PTK2: variants seen among roughly 807,000 people sequenced by gnomAD.
The protein encoded by PTK2 is focal adhesion kinase 1.
In PTK2, 45 loss-of-function variants were observed where a neutral mutation model predicts 150.1. The observed-to-expected ratio is 0.30, with a 90% CI of 0.24 to 0.38. The LOEUF (loss-of-function observed/expected upper bound fraction) is 0.38, where lower values mean the gene tolerates loss of function less well. PTK2 is among the 10% of genes least tolerant of loss of function. The pLI is 1.00. For synonymous variants in PTK2, 432 were observed against 449.2 expected, an observed-to-expected ratio of 0.96 and a Z score of 0.48; for missense variants, 919 against 1,307.3, an observed-to-expected ratio of 0.70 and a Z score of 4.58.
At chr8:140,809,327 A>C (rs995232749) in intron 10 of PTK2, among the ~76,000 whole-genome samples, 1 of 152,234 alleles carries the variant, frequency 6.6e-6, no homozygotes, top group African/African-American at 2.4e-5. Flanking sequence ...ACAGACCTTT[A>C]CAAGTCTGAA....
At chr8:140,697,479 T>C (rs1217950610) in intron 26 of PTK2, among the ~76,000 whole-genome samples, 2 of 151,242 alleles carry the variant, frequency 1.3e-5, no homozygotes, top group Non-Finnish European at 2.9e-5. Flanking sequence ...CTTGCTCTGT[T>C]GCCCAGGCTG....
At chr8:140,997,244 G>C (rs750978010) in intron 1 of PTK2, among the ~76,000 whole-genome samples, 19 of 152,242 alleles carry the variant, frequency 1.2e-4, no homozygotes, top group Non-Finnish European at 1.8e-4. Context: ...CCTTCTTAGG[G>C]ATGAGCAAAG....
chr8:140,700,487 G>GTTT (rs199884182), intron 26 of PTK2, among the ~76,000 whole-genome samples: 8 of 140,334 alleles, frequency 5.7e-5, no homozygotes, highest in Admixed American at 2.2e-4. Context: ...ATTTCAAGTA[G>GTTT]TTTTTTTTTT....
intron 2 of PTK2, among the ~76,000 whole-genome samples, chr8:140,922,985 G>T (rs1162166532): frequency 6.6e-6 from 1 of 152,200 alleles, no homozygotes; most frequent in African/African-American, 2.4e-5. Context: ...TGACAGAGAG[G>T]ATGAGAGGAC....
intron 1 of PTK2, among the ~76,000 whole-genome samples, chr8:140,966,625 T>C (rs1429772910): frequency 2.0e-5 from 3 of 152,212 alleles, no homozygotes; most frequent in African/African-American, 7.2e-5. Context: ...AAAGTAGCTA[T>C]TTCTCAAATT....
At chr8:140,883,353 G>T (rs2100150334) in intron 3 of PTK2, among the ~76,000 whole-genome samples, 7 of 152,174 alleles carry the variant, frequency 4.6e-5, no homozygotes, top group Admixed American at 4.6e-4. Flanking sequence ...TAAGTGGTTT[G>T]TGGGGAGGAG....
intron 2 of PTK2, among the ~76,000 whole-genome samples, chr8:140,910,335 T>TA (rs1029710478): frequency 6.6e-6 from 1 of 152,082 alleles, no homozygotes; most frequent in African/African-American, 2.4e-5. Context: ...TTTTTTTTAA[T>TA]ATGAAAGACT....
chr8:140,739,499 A>T (rs1431741304), intron 20 of PTK2, among the ~76,000 whole-genome samples: 1 of 152,190 alleles, frequency 6.6e-6, no homozygotes, highest in African/African-American at 2.4e-5. Context: ...ATAATAAATA[A>T]TATATAGTCG....
chr8:140,911,155 C>T (rs2100162994), intron 2 of PTK2, among the ~76,000 whole-genome samples: 1 of 151,888 alleles, frequency 6.6e-6, no homozygotes, highest in South Asian at 2.1e-4. Flanking sequence ...CCTCCCAAAG[C>T]ACTGGGATTA....
chr8:140,969,222 G>A (rs1276845225), intron 1 of PTK2, among the ~76,000 whole-genome samples: 1 of 151,812 alleles, frequency 6.6e-6, no homozygotes, highest in East Asian at 1.9e-4. Context: ...AAAAAGTCGG[G>A]GATACAATCC....
At chr8:140,769,633 A>G in intron 14 of PTK2, 41 bp from the exon 16 acceptor site, 1 of 1,327,324 alleles carries the variant, frequency 7.5e-7, no homozygotes. Flanking sequence ...GAAGTAGGGA[A>G]CAGAGGGAGG....
chr8:140,887,854 T>C (rs927350521), intron 3 of PTK2, among the ~76,000 whole-genome samples: 3 of 152,200 alleles, frequency 2.0e-5, no homozygotes, highest in Non-Finnish European at 4.4e-5. Context: ...TATATTTTTA[T>C]ACTATAGCAC....
intron 1 of PTK2, among the ~76,000 whole-genome samples, chr8:140,957,817 T>C (rs973632725): frequency 1.2e-4 from 18 of 152,214 alleles, no homozygotes; most frequent in Non-Finnish European, 2.4e-4. Context: ...CTATACTATA[T>C]AGCCCAGGCA....
intron 26 of PTK2, among the ~76,000 whole-genome samples, chr8:140,697,316 C>CA (rs200881203): frequency 0.01 from 1,433 of 139,114 alleles, 12 homozygotes; most frequent in East Asian, 0.059. Context: ...CAAAAACAAA[C>CA]AAAAAAAAAA....
chr8:140,989,100 G>A lies in PTK2; in HGVS notation c.-122+12025C>T, dbSNP rs150909866. ...TTATCCAAAAAACACTTTTGAGGCT[G>A]GGCACAGCGGCTCACACTTGTAATT... On this transcript the variant is annotated intron_variant, in intron 1 of 31. Transcript: ENST00000522684. 2.6e-5 allele frequency among the ~76,000 whole-genome samples: 4 copies of A among 151,196 alleles called. No individual in the cohort carries two copies. The East Asian group carries it at 7.8e-4, about 29-fold the overall frequency.
At chr8:140,874,500 T>G (rs10101334) in intron 4 of PTK2, among the ~76,000 whole-genome samples, 3,695 of 152,140 alleles carry the variant, frequency 0.024, 162 homozygotes, top group African/African-American at 0.086. Flanking sequence ...AGAAAAAAAT[T>G]TGTCATGTTC....
chr8:140,912,250 G>GA (rs140925011), intron 2 of PTK2, among the ~76,000 whole-genome samples: 273 of 132,620 alleles, frequency 2.1e-3, no homozygotes, highest in African/African-American at 5.0e-3. Flanking sequence ...CTCTATAAAA[G>GA]AAAAAAAAAA....
intron 1 of PTK2, chr8:140,983,787 C>CA (rs1354311897): frequency 2.6e-5 from 4 of 152,164 alleles, no homozygotes; most frequent in African/African-American, 9.7e-5. Context: ...GAAGACTCAG[C>CA]ACTTTGAAAA....
At chr8:140,740,583 AC>A (rs1051425278) in intron 20 of PTK2, among the ~76,000 whole-genome samples, 4 of 152,182 alleles carry the variant, frequency 2.6e-5, no homozygotes, top group Non-Finnish European at 4.4e-5. Flanking sequence ...ACACTTATTA[AC>A]CTTTCTGAGA....
Sources: allele counts gnomAD v4.1 joint callset (sites outside exome capture counted in the v4.1 genomes callset), GRCh38; gene constraint gnomAD v4.1.1; transcripts MANE v1.5; gene names NCBI Gene and HGNC (gene_info 2026-07-23, HGNC 2026-07-21).